EDN2: variants seen among roughly 807,000 people sequenced by gnomAD.
EDN2 encodes the protein endothelin 2, also known as endothelin-2.
Under a neutral mutation model 19.9 loss-of-function variants are expected in EDN2, and 10 were observed. The ratio of observed to expected loss-of-function variants is 0.50; its 90% CI spans 0.31 to 0.85. The LOEUF (loss-of-function observed/expected upper bound fraction) is 0.85, where lower values mean the gene tolerates loss of function less well. Among genes scored for constraint, EDN2 ranks in the 40% least tolerant of loss-of-function variants. EDN2 has a pLI of 0.05. For missense variants in EDN2, 222 were observed against 239.3 expected (o/e 0.93, Z 0.48); for synonymous variants, 84 against 94.9 (o/e 0.89, Z 0.67).
chr1:41,479,584 G>T, intron 4 of EDN2, 82 bp from the exon 5 acceptor site: 2 of 1,236,156 alleles, frequency 1.6e-6, no homozygotes, highest in Middle Eastern at 1.9e-4. Flanking sequence ...GGGCAATGGG[G>T]CTACAGCCCT....
rs1318791593 is a variant in EDN2, at chr1:41,482,514, G to A, written c.296C>T (p.Ser99Phe). The A allele has an allele frequency of 1.3e-6, 2 of 1,596,624 alleles. No individual in the cohort carries two copies. The highest frequency in any genetic ancestry group is 1.7e-6 in the Non-Finnish European group (2 of 1,172,854). ...GGCACAGGCGGGGTCCCTGGCACTG[G>A]AGCACTGACAGCGCCTTGGCAGGGA... is the stretch of plus-strand genomic sequence containing the variant. ...RRSLPRRCQC[S>F]SARDPACATF... The change falls in exon 3 of 5, where the codon TCC becomes TTC. Residue 99 changes from serine (S) to phenylalanine (F), a missense_variant. Coordinates refer to ENST00000372587, the MANE Select transcript of EDN2 (RefSeq NM_001956.5).
chr1:41,482,616 G>A (rs764330740), intron 2 of EDN2, 28 bp from the exon 3 acceptor site: 8 of 1,540,168 alleles, frequency 5.2e-6, no homozygotes, highest in South Asian at 4.9e-5. Context: ...GCAAGGTAGT[G>A]GTGTGGGGTG....
At position 41,484,138 on chromosome 1, in the gene EDN2, G is replaced by A; in HGVS notation, c.130C>T (p.Leu44Phe). 6.2e-7 allele frequency: 1 copy of A among 1,613,718 alleles called. No homozygotes were observed. The highest frequency in any genetic ancestry group is 8.5e-7 in the Non-Finnish European group (1 of 1,180,012). The change falls in exon 2 of 5, where the codon CTT becomes TTT. Residue 44 changes from leucine to phenylalanine, a missense_variant. Physicochemically the swap from Leu to Phe is conservative, Grantham distance 22. Transcript: ENST00000372587. Reference sequence around the variant, plus strand: ...CTGCAGGAGCAACGGCGAAGCCGAAGGTGGGTGCCTTGGGCATGAGATGAG... The same window carrying A: ...CTGCAGGAGCAACGGCGAAGCCGAAAGTGGGTGCCTTGGGCATGAGATGAG... ...ASSSHAQGTH[L>F]RLRRCSCSSW...
At chr1:41,484,449 C>T in intron 1 of EDN2, 89 bp downstream of exon 1, 1 of 1,493,446 alleles carries the variant, frequency 6.7e-7, no homozygotes, top group Non-Finnish European at 9.0e-7. Flanking sequence ...CTGCCCCCAG[C>T]TGGCTTGGGA....
At position 41,479,847 on chromosome 1, in the gene EDN2, T is replaced by A. The variant is rs11572367; in HGVS notation, c.444-345A>T. Among the ~76,000 whole-genome samples the A allele has an allele frequency of 4.5e-4, 69 of 152,312 alleles. No individual in the cohort carries two copies. The East Asian group carries it at 0.011, about 25-fold the overall frequency. Reference sequence around the variant, plus strand: ...CCACACCTTTGCTCCTGCTCTTCCCTCCAGGCTGTGTGTATTCCCCTCACC... The same window carrying A: ...CCACACCTTTGCTCCTGCTCTTCCCACCAGGCTGTGTGTATTCCCCTCACC... On this transcript the variant is annotated intron_variant, in intron 4 of 4. Transcript: ENST00000372587.
chr1:41,479,405 G>A lies in EDN2; in HGVS notation c.*4C>T, dbSNP rs756284557. Reference sequence around the variant, plus strand: ...CCTTCCCAATGTTCCTCCAGCTCACGACACTATCTCTTCCTCCACCTGGAA... The same window carrying A: ...CCTTCCCAATGTTCCTCCAGCTCACAACACTATCTCTTCCTCCACCTGGAA... On this transcript the variant is annotated 3_prime_UTR_variant, in exon 5 of 5. Transcript: ENST00000372587. 7 of 1,612,730 alleles carry A rather than the reference G, an allele frequency of 4.3e-6. No homozygotes were observed. The highest frequency in any genetic ancestry group is 1.1e-5 in the South Asian group (1 of 91,024).
intron 4 of EDN2, among the ~76,000 whole-genome samples, chr1:41,479,761 C>G (rs1445119341): frequency 6.6e-6 from 1 of 152,242 alleles, no homozygotes; most frequent in African/African-American, 2.4e-5. Flanking sequence ...AATGAGTGGA[C>G]AGCCAAGCAC....
intron 4 of EDN2, among the ~76,000 whole-genome samples, chr1:41,480,294 T>C (rs186860580): frequency 6.6e-6 from 1 of 152,302 alleles, no homozygotes; most frequent in Non-Finnish European, 1.5e-5. Flanking sequence ...TGAGAATCTC[T>C]GAAGGGCTGA....
chr1:41,482,502 TC>T lies in EDN2; in HGVS notation c.307del (p.Asp103ThrfsTer45). ...AAGGCAGAAGGTGGCACAGGCGGGG[TC>T]CCTGGCACTGGAGCACTGACAGCGC... ...PRRCQCSSAR[D>X]PACATFCLRR... On this transcript the variant is annotated frameshift_variant, in exon 3 of 5. Transcript: ENST00000372587. LOFTEE classifies it high-confidence loss of function. 1 of 1,595,474 alleles carries T rather than the reference TC, an allele frequency of 6.3e-7. No individual in the cohort carries two copies. The highest frequency in any genetic ancestry group is 8.5e-7 in the Non-Finnish European group (1 of 1,172,148).
At position 41,479,058 on chromosome 1, in the gene EDN2, C is replaced by T. The variant is rs774644568; in HGVS notation, c.*351G>A. On this transcript the variant is annotated 3_prime_UTR_variant, in exon 5 of 5. Coordinates refer to ENST00000372587, the MANE Select transcript of EDN2 (RefSeq NM_001956.5). Reference sequence around the variant, plus strand: ...TGAGGCATGCGTGTTCGTGGCTGCACGGTTGCTCCTGGTTTGTAGCCCAGC... The same window carrying T: ...TGAGGCATGCGTGTTCGTGGCTGCATGGTTGCTCCTGGTTTGTAGCCCAGC... The T allele has an allele frequency of 4.6e-4, 170 of 370,744 alleles. No individual in the cohort carries two copies. Among genetic ancestry groups the T allele is most frequent in the Admixed American group, 9.9e-4 (27 of 27,346 alleles). The allele number at this position is 370,744 out of a possible 1,614,324, so 23.0% of individuals were successfully genotyped here. A position where few individuals can be genotyped will look rare whatever the true frequency, so the allele number is the denominator to read the frequency against.
chr1:41,484,618 G>A lies in EDN2; in HGVS notation c.-17C>T, dbSNP rs369135801. On this transcript the variant is annotated 5_prime_UTR_variant, in exon 1 of 5. Coordinates refer to ENST00000372587, the MANE Select transcript of EDN2 (RefSeq NM_001956.5). ...GGAGACCATAGCGGCGGTGGAGCGC[G>A]CAGGCTGGACTGGAGCAGGGAGTGC... 7.9e-5 allele frequency: 122 copies of A among 1,553,492 alleles called. 1 individual carries two copies. The South Asian group carries it at 9.4e-4, about 12-fold the overall frequency.
Position 41,479,389 on chromosome 1 carries a change from T to C in EDN2, c.*20A>G, listed in dbSNP as rs767059817. ...CTCTCCCCGCGGGCTTCCTTCCCAATGTTCCTCCAGCTCACGACACTATCT... is the reference window on the plus strand; with the variant it reads ...CTCTCCCCGCGGGCTTCCTTCCCAACGTTCCTCCAGCTCACGACACTATCT... On this transcript the variant is annotated 3_prime_UTR_variant, in exon 5 of 5. Coordinates refer to ENST00000372587, the MANE Select transcript of EDN2 (RefSeq NM_001956.5). The C allele has an allele frequency of 1.1e-5, 17 of 1,605,214 alleles. No individual in the cohort carries two copies. The East Asian group carries it at 3.6e-4, about 34-fold the overall frequency.
In EDN2 at chr1:41,484,640, G is replaced by T. The variant is rs1001602905; in HGVS notation, c.-39C>A. 23 of 1,550,672 alleles carry T rather than the reference G, an allele frequency of 1.5e-5. No individual in the cohort carries two copies. Among genetic ancestry groups the T allele is most frequent in the Non-Finnish European group, 1.8e-5 (21 of 1,146,586 alleles). On this transcript the variant is annotated 5_prime_UTR_variant, in exon 1 of 5. Coordinates refer to ENST00000372587, the MANE Select transcript of EDN2 (RefSeq NM_001956.5). ...CGCGCAGGCTGGACTGGAGCAGGGA[G>T]TGCCTGTTGCCAGCGTCCTGCTATT...
At chr1:41,480,603 A>T in intron 4 of EDN2, 1 of 411,492 alleles carries the variant, frequency 2.4e-6, no homozygotes, top group Non-Finnish European at 5.0e-6. Flanking sequence ...CTGCCCCTAC[A>T]GCCACTCTGC....
intron 4 of EDN2, among the ~76,000 whole-genome samples, chr1:41,480,201 T>C (rs1293340156): frequency 6.6e-6 from 1 of 152,236 alleles, no homozygotes; most frequent in Non-Finnish European, 1.5e-5. Flanking sequence ...TTTTTCATTC[T>C]CAGAAAGTTC....
At chr1:41,481,002 A>G (rs1017912184) in intron 4 of EDN2, 93 bp downstream of exon 4, 20 of 1,081,444 alleles carry the variant, frequency 1.8e-5, no homozygotes, top group South Asian at 8.5e-5. Context: ...TTGCTGCCCA[A>G]TGAGGACCCA....
rs746630195 is a variant in EDN2 at position 41,484,608 on chromosome 1, G to A, written c.-7C>T. 21 of 1,555,176 alleles carry A rather than the reference G, an allele frequency of 1.4e-5. No homozygotes were observed. Among genetic ancestry groups the A allele is most frequent in the South Asian group, 1.2e-4 (10 of 84,246 alleles). On this transcript the variant is annotated 5_prime_UTR_variant, in exon 1 of 5. Coordinates refer to ENST00000372587, the MANE Select transcript of EDN2 (RefSeq NM_001956.5). ...TGGTAGGCACGGAGACCATAGCGGCGGTGGAGCGCGCAGGCTGGACTGGAG... is the reference window on the plus strand; with the variant it reads ...TGGTAGGCACGGAGACCATAGCGGCAGTGGAGCGCGCAGGCTGGACTGGAG...
chr1:41,480,763 C>T (rs1187289632), intron 4 of EDN2: 1 of 513,272 alleles, frequency 1.9e-6, no homozygotes, highest in East Asian at 5.3e-5. Context: ...GGGCAGTTGG[C>T]CCCTCTGGAC....
At chr1:41,480,895 C>T in intron 4 of EDN2, 200 bp downstream of exon 4, 1 of 665,988 alleles carries the variant, frequency 1.5e-6, no homozygotes, top group Admixed American at 2.1e-5. Context: ...ACAAAGAGCA[C>T]AGTGGGTAAG....
Sources: gnomAD v4.1 joint callset for allele counts (sites outside exome capture counted in the v4.1 genomes callset) on GRCh38, gnomAD v4.1.1 for gene constraint, MANE v1.5 for transcripts, NCBI Gene and HGNC (gene_info 2026-07-23, HGNC 2026-07-21) for gene names.